BAIAP2: variants seen among roughly 807,000 people sequenced by gnomAD.
BAIAP2 encodes BAR/IMD domain-containing adapter protein 2.
A neutral mutation model predicts 63.0 loss-of-function variants in BAIAP2; 18 were observed. The observed-to-expected ratio is 0.29, with a 90% CI of 0.20 to 0.42. The LOEUF is 0.42. BAIAP2 is among the 10% of genes least tolerant of loss of function. The pLI is 1.00. For missense variants in BAIAP2, 610 were observed against 734.3 expected, an observed-to-expected ratio of 0.83 and a Z score of 1.96; for synonymous variants, 386 against 307.6, an observed-to-expected ratio of 1.25 and a Z score of -2.67.
At chr17:81,054,507 C>T (rs536162643) in intron 2 of BAIAP2, among the ~76,000 whole-genome samples, 67 of 152,274 alleles carry the variant, frequency 4.4e-4, no homozygotes, top group South Asian at 1.0e-3. Context: ...TGTGGCAGCA[C>T]GCCCCTGCCT....
intron 13 of BAIAP2, among the ~76,000 whole-genome samples, chr17:81,112,157 C>T (rs1180421374): frequency 1.3e-5 from 2 of 148,602 alleles, no homozygotes; most frequent in South Asian, 2.1e-4. Flanking sequence ...GGCCTCCAGA[C>T]CCCCCCACTC....
intron 7 of BAIAP2, among the ~76,000 whole-genome samples, chr17:81,102,936 C>A (rs1363297294): frequency 6.6e-6 from 1 of 152,246 alleles, no homozygotes; most frequent in Non-Finnish European, 1.5e-5. Flanking sequence ...TTTCTCCATG[C>A]CTGTGGCTTC....
intron 1 of BAIAP2, among the ~76,000 whole-genome samples, chr17:81,049,226 AG>A (rs1219969532): frequency 6.6e-6 from 1 of 152,094 alleles, no homozygotes; most frequent in Admixed American, 6.5e-5. Context: ...CTGTCCTGGC[AG>A]GGGGGCATGG....
At chr17:81,071,522 C>T (rs934961579) in intron 3 of BAIAP2, among the ~76,000 whole-genome samples, 3 of 152,232 alleles carry the variant, frequency 2.0e-5, no homozygotes, top group Non-Finnish European at 4.4e-5. Context: ...GCTGACCTCT[C>T]GCACAGAGCC....
At chr17:81,075,611 C>A (rs1440554678) in intron 3 of BAIAP2, among the ~76,000 whole-genome samples, 3 of 152,202 alleles carry the variant, frequency 2.0e-5, no homozygotes, top group Non-Finnish European at 2.9e-5. Context: ...CCTTTGAGAG[C>A]GTCCTGAGTG....
intron 13 of BAIAP2, chr17:81,109,548 C>T (rs1396097440): frequency 1.5e-5 from 15 of 985,236 alleles, no homozygotes; most frequent in Non-Finnish European, 1.8e-5. Flanking sequence ...CCCTGGCCGC[C>T]CCGGCCCCTG....
chr17:81,058,107 C>A lies in BAIAP2; in HGVS notation c.217+140C>A, dbSNP rs141703942. ...TAGGAAAATATTTTAATGACAGTCA[C>A]CCTGGGAGCTGCCTTGTGGGGCACA... On this transcript the variant is annotated intron_variant, in intron 3 of 13. Transcript: ENST00000428708. 5.7e-5 allele frequency: 41 copies of A among 724,668 alleles called. No homozygotes were observed. In the East Asian group the frequency reaches 1.1e-3, roughly 19 times the overall value. The allele number at this position is 724,668 out of a possible 1,614,324, so 44.9% of individuals were successfully genotyped here. A position where few individuals can be genotyped will look rare whatever the true frequency, so the allele number is the denominator to read the frequency against.
chr17:81,098,940 TTGTC>T (rs945657752), intron 6 of BAIAP2, among the ~76,000 whole-genome samples: 17 of 151,932 alleles, frequency 1.1e-4, no homozygotes, highest in African/African-American at 3.6e-4. Flanking sequence ...GCTTCCGCGT[TTGTC>T]TGGGACACAT....
chr17:81,108,650 G>C, intron 13 of BAIAP2, 141 bp downstream of exon 13: 1 of 1,161,710 alleles, frequency 8.6e-7, no homozygotes, highest in Admixed American at 2.2e-5. Context: ...CAGAGCCGGG[G>C]ATGTCCCTTA....
chr17:81,113,225 T>C (rs1362170621), intron 13 of BAIAP2, among the ~76,000 whole-genome samples: 1 of 152,168 alleles, frequency 6.6e-6, no homozygotes. Flanking sequence ...CAGGCCCTCC[T>C]CAGGGTCCTC....
intron 1 of BAIAP2, among the ~76,000 whole-genome samples, chr17:81,047,452 G>A (rs140683530): frequency 6.6e-6 from 1 of 152,208 alleles, no homozygotes; most frequent in Non-Finnish European, 1.5e-5. Flanking sequence ...TAGAAAACAC[G>A]GCTCAGCCTG....
intron 1 of BAIAP2, among the ~76,000 whole-genome samples, chr17:81,052,200 C>A (rs896879637): frequency 1.3e-5 from 2 of 152,236 alleles, no homozygotes; most frequent in Admixed American, 1.3e-4. Context: ...CCTGGTCTGC[C>A]CACTGCTCTC....
At chr17:81,069,767 G>A (rs1182507805) in intron 3 of BAIAP2, among the ~76,000 whole-genome samples, 4 of 152,148 alleles carry the variant, frequency 2.6e-5, no homozygotes, top group Non-Finnish European at 4.4e-5. Flanking sequence ...GGTTCAGTTC[G>A]CCTCCCAGCC....
chr17:81,058,028 C>A, intron 3 of BAIAP2, 61 bp downstream of exon 3: 1 of 1,276,826 alleles, frequency 7.8e-7, no homozygotes, highest in East Asian at 3.0e-5. Context: ...AGCTCTGGGG[C>A]CCTGTCCTGT....
At position 81,088,724 on chromosome 17, in the gene BAIAP2, A is replaced by G. The variant is rs1011578652; in HGVS notation, c.489+2144A>G. 4.6e-5 allele frequency among the ~76,000 whole-genome samples: 7 copies of G among 151,808 alleles called. No individual in the cohort carries two copies. In the East Asian group the frequency reaches 5.8e-4, roughly 13 times the overall value. ...CGGGGGTCAGCCTTTCTTCCTTTTC[A>G]TGGCTAAATCGTGTTCCATCGTGTG... On this transcript the variant is annotated intron_variant, in intron 6 of 13. Transcript: ENST00000428708.
In BAIAP2 at chr17:81,038,904, G is replaced by C. The variant is rs369995838; in HGVS notation, c.54+3596G>C. On this transcript the variant is annotated intron_variant, in intron 1 of 13. Coordinates refer to ENST00000428708, the MANE Select transcript of BAIAP2 (RefSeq NM_001144888.2). ...CATTGGAGTCGCCTTCCTGGGTGGG[G>C]GGGGCAGCAGACCCGGCACCTGAGG... is the stretch of plus-strand genomic sequence containing the variant. Among the ~76,000 whole-genome samples, 7 of 152,184 alleles carry C rather than the reference G, an allele frequency of 4.6e-5. No individual in the cohort carries two copies. The East Asian group carries it at 5.8e-4, about 13-fold the overall frequency.
intron 3 of BAIAP2, among the ~76,000 whole-genome samples, chr17:81,071,731 G>C (rs2052701242): frequency 6.6e-6 from 1 of 152,244 alleles, no homozygotes. Context: ...CAGCGCGGGG[G>C]TCGGATGCCT....
chr17:81,037,273 G>A (rs1356277014), intron 1 of BAIAP2, among the ~76,000 whole-genome samples: 1 of 152,234 alleles, frequency 6.6e-6, no homozygotes, highest in African/African-American at 2.4e-5. Flanking sequence ...ACGGCAGGAC[G>A]CGGTGGGCCG....
At chr17:81,067,525 G>T (rs1178076019) in intron 3 of BAIAP2, among the ~76,000 whole-genome samples, 1 of 152,230 alleles carries the variant, frequency 6.6e-6, no homozygotes. Context: ...GTCCTGATTG[G>T]ATTGGCCGTG....
Sources: allele counts gnomAD v4.1 joint callset (sites outside exome capture counted in the v4.1 genomes callset), GRCh38; gene constraint gnomAD v4.1.1; transcripts MANE v1.5; gene names NCBI Gene and HGNC (gene_info 2026-07-23, HGNC 2026-07-21).